Variants in GPRC6A observed in about 807,000 individuals in gnomAD.
The protein encoded by GPRC6A is G protein-coupled receptor class C group 6 member A, also known as G protein-coupled receptor family C group 6 member A.
In GPRC6A, 54 loss-of-function variants were observed where a neutral mutation model predicts 47.0. That is an observed-to-expected ratio of 1.15 (90% confidence interval 0.92 to 1.44). GPRC6A has a LOEUF of 1.44. Ranked by LOEUF, GPRC6A falls within the 40% of genes most tolerant of loss-of-function variation. GPRC6A has a pLI of 0.00. For missense variants in GPRC6A, 1,112 were observed against 1,105.5 expected (o/e 1.01, Z -0.08); for synonymous variants, 347 against 377.1 (o/e 0.92, Z 0.93).
chr6:116,798,052 G>A (rs889118789), intron 4 of GPRC6A, among the ~76,000 whole-genome samples: 5 of 152,194 alleles, frequency 3.3e-5, no homozygotes, highest in Admixed American at 3.3e-4. Context: ...TGTTCTAATT[G>A]TTGAAGCCAC....
intron 1 of GPRC6A, among the ~76,000 whole-genome samples, chr6:116,813,075 A>G (rs1486866929): frequency 6.6e-6 from 1 of 152,206 alleles, no homozygotes; most frequent in East Asian, 1.9e-4. Context: ...CTCTTCAAGG[A>G]GAACTACAAA....
chr6:116,797,546 G>A (rs56262406), intron 4 of GPRC6A, among the ~76,000 whole-genome samples: 3,183 of 152,186 alleles, frequency 0.021, 117 homozygotes, highest in African/African-American at 0.072. Context: ...AATAATTATA[G>A]GTGTCTCCAT....
chr6:116,822,812 T>C (rs1234879926), intron 1 of GPRC6A, among the ~76,000 whole-genome samples: 1 of 146,690 alleles, frequency 6.8e-6, no homozygotes, highest in Non-Finnish European at 1.5e-5. Context: ...TATACAAATG[T>C]AACTAACCTG....
chr6:116,814,061 C>T (rs546065196), intron 1 of GPRC6A, among the ~76,000 whole-genome samples: 1 of 152,152 alleles, frequency 6.6e-6, no homozygotes, highest in Non-Finnish European at 1.5e-5. Flanking sequence ...GAGATACCAT[C>T]TCACACCAGC....
intron 4 of GPRC6A, among the ~76,000 whole-genome samples, chr6:116,796,902 C>CT (rs1772505846): frequency 6.6e-6 from 1 of 152,060 alleles, no homozygotes; most frequent in African/African-American, 2.4e-5. Context: ...TATTATTATA[C>CT]TTTAAGTTTT....
intron 4 of GPRC6A, among the ~76,000 whole-genome samples, chr6:116,800,214 T>TTTTCTTTC (rs199770284): frequency 7.4e-6 from 1 of 134,772 alleles, no homozygotes; most frequent in Admixed American, 7.4e-5. Flanking sequence ...CTCTCTTTTC[T>TTTTCTTTC]TTTCTTTCTT....
In GPRC6A at chr6:116,795,851, A is replaced by G; in HGVS notation, c.1549-16T>C. The G allele has an allele frequency of 1.3e-6, 2 of 1,544,836 alleles. No homozygotes were observed. Among genetic ancestry groups the G allele is most frequent in the Non-Finnish European group, 8.8e-7 (1 of 1,137,860 alleles). ...ATTGAATTTGCTATATTAAAAGTGA[A>G]AAAAAAAATCACAAGTAAATTTGTA... On this transcript the variant is annotated splice_polypyrimidine_tract_variant and intron_variant, in intron 4 of 5. Coordinates refer to ENST00000310357, the MANE Select transcript of GPRC6A (RefSeq NM_148963.4).
intron 4 of GPRC6A, 139 bp from the exon 5 acceptor site, chr6:116,795,974 GC>G (rs1297609882): frequency 1.8e-6 from 1 of 543,876 alleles, no homozygotes; most frequent in Non-Finnish European, 3.1e-6. Context: ...GAATCTTTTT[GC>G]CATCGTGGGA....
At chr6:116,818,264 G>A (rs902458119) in intron 1 of GPRC6A, among the ~76,000 whole-genome samples, 1 of 151,828 alleles carries the variant, frequency 6.6e-6, no homozygotes, top group South Asian at 2.1e-4. Flanking sequence ...GCCGGGCGCG[G>A]TGGCTCACGC....
At chr6:116,820,737 C>G (rs1283886761) in intron 1 of GPRC6A, among the ~76,000 whole-genome samples, 1 of 151,544 alleles carries the variant, frequency 6.6e-6, no homozygotes, top group Non-Finnish European at 1.5e-5. Flanking sequence ...CTATGACAAA[C>G]CCACAGCCAA....
chr6:116,820,250 T>A (rs1282142605), intron 1 of GPRC6A, among the ~76,000 whole-genome samples: 1 of 152,156 alleles, frequency 6.6e-6, no homozygotes, highest in South Asian at 2.1e-4. Flanking sequence ...CAGGACCAGA[T>A]GGATTCACAG....
At chr6:116,820,251 G>A (rs1773414069) in intron 1 of GPRC6A, among the ~76,000 whole-genome samples, 1 of 152,170 alleles carries the variant, frequency 6.6e-6, no homozygotes, top group South Asian at 2.1e-4. Context: ...AGGACCAGAT[G>A]GATTCACAGC....
At chr6:116,807,272 G>T (rs1772880252) in intron 2 of GPRC6A, 66 bp from the exon 3 acceptor site, 1 of 906,344 alleles carries the variant, frequency 1.1e-6, no homozygotes, top group Non-Finnish European at 1.7e-6. Context: ...CACAGTAGGT[G>T]TTCCTTTCTT....
rs1014756712 is a variant in GPRC6A, at chr6:116,829,067, C to G, written c.-54G>C. 7 of 1,547,462 alleles carry G rather than the reference C, an allele frequency of 4.5e-6. No homozygotes were observed. The highest frequency in any genetic ancestry group is 5.2e-6 in the Non-Finnish European group (6 of 1,148,010). On this transcript the variant is annotated 5_prime_UTR_variant, in exon 1 of 6. Coordinates refer to ENST00000310357, the MANE Select transcript of GPRC6A (RefSeq NM_148963.4). ...GAGTTCTTAGGAATCATTAAGTGCA[C>G]GGAGTGCCAGCAAGATTCCTATTTC...
chr6:116,818,821 A>G (rs191147230), intron 1 of GPRC6A, among the ~76,000 whole-genome samples: 4 of 151,968 alleles, frequency 2.6e-5, no homozygotes, highest in Non-Finnish European at 5.9e-5. Context: ...ATAACCAGCT[A>G]TCATTATAAT....
chr6:116,814,277 T>C (rs1773130353), intron 1 of GPRC6A, among the ~76,000 whole-genome samples: 1 of 152,178 alleles, frequency 6.6e-6, no homozygotes, highest in Non-Finnish European at 1.5e-5. Context: ...GGATTATAAA[T>C]CATGCTACTA....
chr6:116,797,116 G>A (rs1218984579), intron 4 of GPRC6A, among the ~76,000 whole-genome samples: 3 of 150,216 alleles, frequency 2.0e-5, no homozygotes, highest in Non-Finnish European at 4.4e-5. Flanking sequence ...TCCCACCTAT[G>A]AGTGAGAATA....
At chr6:116,803,115 A>T (rs1488753643) in intron 3 of GPRC6A, among the ~76,000 whole-genome samples, 1 of 152,072 alleles carries the variant, frequency 6.6e-6, no homozygotes, top group Non-Finnish European at 1.5e-5. Context: ...AGCTTGACAA[A>T]TGACACCAGT....
intron 1 of GPRC6A, among the ~76,000 whole-genome samples, chr6:116,822,053 C>T (rs1183034929): frequency 2.1e-5 from 3 of 144,956 alleles, no homozygotes; most frequent in Non-Finnish European, 4.5e-5. Flanking sequence ...GGGTGAAGGA[C>T]ATGAACAGAC....
Sources: allele counts gnomAD v4.1 joint callset (sites outside exome capture counted in the v4.1 genomes callset), GRCh38; gene constraint gnomAD v4.1.1; transcripts MANE v1.5; gene names NCBI Gene and HGNC (gene_info 2026-07-23, HGNC 2026-07-21).